Variants in SGMS1 observed in about 807,000 individuals in gnomAD.
SGMS1 encodes the protein phosphatidylcholine:ceramide cholinephosphotransferase 1.
Under a neutral mutation model 46.2 loss-of-function variants are expected in SGMS1, and 13 were observed. The ratio of observed to expected loss-of-function variants is 0.28; its 90% CI spans 0.18 to 0.45. SGMS1 has a LOEUF of 0.45. Ranked by LOEUF, SGMS1 falls within the 20% of genes least tolerant of loss-of-function variation. SGMS1 has a pLI of 1.00. For synonymous variants in SGMS1, 203 were observed against 187.8 expected, an observed-to-expected ratio of 1.08 and a Z score of -0.66; for missense variants, 324 against 519.9, an observed-to-expected ratio of 0.62 and a Z score of 3.66.
At chr10:50,341,764 C>T (rs1252816008) in intron 7 of SGMS1, among the ~76,000 whole-genome samples, 2 of 151,984 alleles carry the variant, frequency 1.3e-5, no homozygotes, top group African/African-American at 2.4e-5. Flanking sequence ...TAAATGACTA[C>T]AGTATTGTCA....
chr10:50,571,294 T>C lies in SGMS1; in HGVS notation c.-589+18859A>G, dbSNP rs1409644400. Among the ~76,000 whole-genome samples, 3 of 152,344 alleles carry C rather than the reference T, an allele frequency of 2.0e-5. No individual in the cohort carries two copies. In the East Asian group the frequency reaches 5.8e-4, roughly 29 times the overall value. On this transcript the variant is annotated intron_variant, in intron 2 of 10. Transcript: ENST00000361781. The stretch of plus-strand genomic sequence containing the variant: ...TTTGCTATTGCCCAGGCAGCTCACA[T>C]TCCCTCCCCTAGAAATGTCATGAAC...
At chr10:50,423,638 G>GA (rs112975343) in intron 6 of SGMS1, among the ~76,000 whole-genome samples, 83 of 147,084 alleles carry the variant, frequency 5.6e-4, no homozygotes, top group Non-Finnish European at 8.7e-4. Flanking sequence ...GGTGGCATGG[G>GA]AAAAAAAAAA....
chr10:50,414,922 C>T (rs1011427564), intron 6 of SGMS1, among the ~76,000 whole-genome samples: 3 of 152,206 alleles, frequency 2.0e-5, no homozygotes, highest in Admixed American at 2.0e-4. Context: ...ATCTATACCG[C>T]TATCCAATCC....
At chr10:50,514,353 G>C (rs2208035) in intron 3 of SGMS1, among the ~76,000 whole-genome samples, 128,734 of 152,200 alleles carry the variant, frequency 0.85, 54,585 homozygotes, top group East Asian at 1. Context: ...TAACAAAACC[G>C]CCAGTTCTTT....
At chr10:50,558,301 T>G (rs1838205420) in intron 2 of SGMS1, among the ~76,000 whole-genome samples, 1 of 152,214 alleles carries the variant, frequency 6.6e-6, no homozygotes, top group Admixed American at 6.5e-5. Context: ...TATTTGCAGA[T>G]TTTTTAAATT....
chr10:50,554,840 G>C (rs149694020), intron 2 of SGMS1, among the ~76,000 whole-genome samples: 1 of 152,314 alleles, frequency 6.6e-6, no homozygotes, highest in Non-Finnish European at 1.5e-5. Flanking sequence ...TCTACAAGTT[G>C]CTTTTTTCAC....
chr10:50,365,846 G>C (rs574160405), intron 6 of SGMS1, among the ~76,000 whole-genome samples: 20 of 152,198 alleles, frequency 1.3e-4, no homozygotes, highest in African/African-American at 4.6e-4. Flanking sequence ...TGGGCATTTG[G>C]GTTGGTTCCA....
intron 2 of SGMS1, among the ~76,000 whole-genome samples, chr10:50,540,399 C>T (rs1309329274): frequency 6.6e-6 from 1 of 152,160 alleles, no homozygotes; most frequent in Non-Finnish European, 1.5e-5. Flanking sequence ...GAGTATTTAG[C>T]AGCACTTAAA....
At chr10:50,410,021 C>G (rs1250908811) in intron 6 of SGMS1, among the ~76,000 whole-genome samples, 2 of 152,134 alleles carry the variant, frequency 1.3e-5, no homozygotes, top group Admixed American at 1.3e-4. Flanking sequence ...GTTTAGTAAT[C>G]TGTGCAATTT....
intron 3 of SGMS1, among the ~76,000 whole-genome samples, chr10:50,471,641 T>C (rs983539002): frequency 1.3e-5 from 2 of 152,192 alleles, no homozygotes; most frequent in African/African-American, 2.4e-5. Flanking sequence ...CCTCCCCAAA[T>C]ACAAATCTCA....
At chr10:50,342,569 T>A (rs1847836463) in intron 7 of SGMS1, 1 of 152,254 alleles carries the variant, frequency 6.6e-6, no homozygotes, top group Non-Finnish European at 1.5e-5. Flanking sequence ...GCATGAACTC[T>A]CAGTGTGCAT....
In SGMS1 at chr10:50,344,298, G is replaced by C. The variant is rs1847877515; in HGVS notation, c.-184C>G. On this transcript the variant is annotated 5_prime_UTR_variant, in exon 7 of 11. Coordinates refer to ENST00000361781, the MANE Select transcript of SGMS1 (RefSeq NM_147156.4). The stretch of plus-strand genomic sequence containing the variant: ...CCTCATGTAGCTGTCCAGGGTTCCT[G>C]AGCGCCCAAGTATTAATTCACCTCA... The C allele has an allele frequency of 1.6e-6, 1 of 613,162 alleles. No individual in the cohort carries two copies. Among genetic ancestry groups the C allele is most frequent in the African/African-American group, 1.8e-5 (1 of 54,724 alleles). 38.0% of individuals were successfully genotyped at this position (613,162 alleles called of 1,614,324 possible). A position where few individuals can be genotyped will look rare whatever the true frequency, so the allele number is the denominator to read the frequency against.
intron 6 of SGMS1, among the ~76,000 whole-genome samples, chr10:50,390,918 G>C (rs1228951990): frequency 6.6e-6 from 1 of 152,148 alleles, no homozygotes; most frequent in Non-Finnish European, 1.5e-5. Context: ...CACAGCCTGG[G>C]TCTGGGGTAG....
chr10:50,310,065 C>CA (rs1346151534), intron 9 of SGMS1, among the ~76,000 whole-genome samples: 1 of 152,134 alleles, frequency 6.6e-6, no homozygotes, highest in African/African-American at 2.4e-5. Context: ...TACAACCCCT[C>CA]AATGGGCACC....
intron 7 of SGMS1, among the ~76,000 whole-genome samples, chr10:50,329,224 C>G (rs1038179896): frequency 6.6e-6 from 1 of 152,074 alleles, no homozygotes; most frequent in African/African-American, 2.4e-5. Context: ...TAAGTACCAA[C>G]AGAAGTGATT....
intron 6 of SGMS1, among the ~76,000 whole-genome samples, chr10:50,380,481 G>C (rs1848586502): frequency 6.6e-6 from 1 of 152,098 alleles, no homozygotes; most frequent in African/African-American, 2.4e-5. Flanking sequence ...CCCAGGTCTG[G>C]AGTATGTTCC....
At chr10:50,481,496 C>T (rs1475732916) in intron 3 of SGMS1, among the ~76,000 whole-genome samples, 1 of 152,076 alleles carries the variant, frequency 6.6e-6, no homozygotes, top group East Asian at 1.9e-4. Flanking sequence ...ACAACAACAA[C>T]ATCAACAAAA....
intron 2 of SGMS1, among the ~76,000 whole-genome samples, chr10:50,543,684 T>C (rs1273516620): frequency 6.6e-6 from 1 of 152,160 alleles, no homozygotes; most frequent in Non-Finnish European, 1.5e-5. Context: ...TCCTTACGAA[T>C]CCCAAAAGCC....
At chr10:50,531,716 C>T (rs1837955080) in intron 2 of SGMS1, among the ~76,000 whole-genome samples, 1 of 152,156 alleles carries the variant, frequency 6.6e-6, no homozygotes, top group Non-Finnish European at 1.5e-5. Context: ...GCAAGTTGCC[C>T]ACCTTCCCTA....
Sources: gnomAD v4.1 joint callset for allele counts (sites outside exome capture counted in the v4.1 genomes callset) on GRCh38, gnomAD v4.1.1 for gene constraint, MANE v1.5 for transcripts, NCBI Gene and HGNC (gene_info 2026-07-23, HGNC 2026-07-21) for gene names.